Variants in MAST4 observed in about 807,000 individuals in gnomAD.
MAST4 encodes the protein microtubule-associated serine/threonine-protein kinase 4.
MAST4 carries 89 observed loss-of-function variants against 162.7 expected under a neutral mutation model. That is an observed-to-expected ratio of 0.55 (90% CI 0.46 to 0.65). The LOEUF is 0.65. MAST4 is among the 30% of genes least tolerant of loss of function. The probability of loss-of-function intolerance (pLI) is 0.00; values close to 1 mark genes in which losing one functional copy is unlikely to be tolerated. For missense variants in MAST4, 3,153 were observed against 3,374.0 expected (o/e 0.93, Z 1.62); for synonymous variants, 1,479 against 1,361.1 (o/e 1.09, Z -1.91).
intron 12 of MAST4, chr5:67,114,587 A>G (rs959129174): frequency 2.1e-5 from 4 of 193,976 alleles, no homozygotes; most frequent in Admixed American, 1.2e-4. Context: ...GTTGCTAAAG[A>G]AATTATCATT....
rs771317676 is a variant in MAST4, at chr5:66,999,065, C to T, written c.675-55339C>T. Among the ~76,000 whole-genome samples the T allele has an allele frequency of 7.2e-5, 11 of 152,340 alleles. 1 individual carries two copies. The highest frequency in any genetic ancestry group is 6.2e-4 in the South Asian group (3 of 4,826). On this transcript the variant is annotated intron_variant, in intron 4 of 28. Transcript: ENST00000403625. ...GGCTTGGGTGGAGGCCAGTGCTCCA[C>T]GTGGTTTATTGATGGATCTTCCAGA...
At chr5:66,790,694 A>G (rs1300238848) in intron 3 of MAST4, among the ~76,000 whole-genome samples, 1 of 152,040 alleles carries the variant, frequency 6.6e-6, no homozygotes, top group African/African-American at 2.4e-5. Flanking sequence ...ACAGGCACAT[A>G]CTACTGTGCC....
intron 1 of MAST4, among the ~76,000 whole-genome samples, chr5:66,606,783 A>C (rs1462875828): frequency 6.6e-6 from 1 of 152,174 alleles, no homozygotes; most frequent in Non-Finnish European, 1.5e-5. Flanking sequence ...GGGTAAAAAT[A>C]ATACATTACA....
chr5:66,905,978 A>G (rs921480436), intron 4 of MAST4, among the ~76,000 whole-genome samples: 3 of 152,226 alleles, frequency 2.0e-5, no homozygotes, highest in Non-Finnish European at 4.4e-5. Flanking sequence ...GTCCTGGAAA[A>G]GGAAGAGATT....
At chr5:66,825,267 C>G (rs1188613797) in intron 3 of MAST4, among the ~76,000 whole-genome samples, 22 of 28,114 alleles carry the variant, frequency 7.8e-4, no homozygotes, top group Non-Finnish European at 1.3e-3. Flanking sequence ...CTAAGACACA[C>G]ACACACACAC....
At chr5:66,657,416 A>G (rs1746623257) in intron 1 of MAST4, among the ~76,000 whole-genome samples, 1 of 152,236 alleles carries the variant, frequency 6.6e-6, no homozygotes, top group African/African-American at 2.4e-5. Flanking sequence ...TTCTAATTGT[A>G]TCCTCATGGA....
chr5:67,045,996 C>T (rs560475596), intron 4 of MAST4, among the ~76,000 whole-genome samples: 6 of 152,246 alleles, frequency 3.9e-5, no homozygotes, highest in East Asian at 3.9e-4. Flanking sequence ...GCATATTTCA[C>T]GTAACTCAGA....
chr5:66,899,843 C>A, intron 3 of MAST4, 108 bp from the exon 4 acceptor site: 2 of 873,630 alleles, frequency 2.3e-6, no homozygotes, highest in Non-Finnish European at 3.3e-6. Context: ...TAAGAAATGC[C>A]AAATCAAGCG....
At chr5:67,155,885 C>T (rs1041191745) in intron 26 of MAST4, among the ~76,000 whole-genome samples, 66 of 151,964 alleles carry the variant, frequency 4.3e-4, no homozygotes. Context: ...GATGGCGAAA[C>T]CCCATCTCTA....
In MAST4 at chr5:66,788,681, C is replaced by G. The variant is rs753471629; in HGVS notation, c.529C>G (p.Leu177Val). ...TTTAACTCCAACAGGGAGGTACCTT[C>G]TTCCAAACCCGGTGGCGGGACAGGC... ...LGGALTGRYL[L>V]PNPVAGQAWP... The change falls in exon 3 of 29, where the codon CTT (leucine) becomes GTT (valine). Residue 177 changes from leucine to valine, a missense_variant. By Grantham distance (32) the Leu-to-Val change is conservative. Transcript: ENST00000403625. The G allele has an allele frequency of 2.5e-5, 38 of 1,518,196 alleles. No individual in the cohort carries two copies. Among genetic ancestry groups the G allele is most frequent in the Non-Finnish European group, 3.4e-5 (38 of 1,119,414 alleles). 94.0% of individuals were successfully genotyped at this position (1,518,196 alleles called of 1,614,324 possible). A position where few individuals can be genotyped will look rare whatever the true frequency, so the allele number is the denominator to read the frequency against.
chr5:66,712,243 T>C (rs2149525367), intron 1 of MAST4, among the ~76,000 whole-genome samples: 1 of 152,330 alleles, frequency 6.6e-6, no homozygotes, highest in Non-Finnish European at 1.5e-5. Flanking sequence ...TAAATGTAAG[T>C]TTAACCTTAG....
intron 3 of MAST4, among the ~76,000 whole-genome samples, chr5:66,825,261 G>GACAC (rs56076405): frequency 0.037 from 4,995 of 135,516 alleles, 127 homozygotes; most frequent in Non-Finnish European, 0.051. Flanking sequence ...TAAAAACTAA[G>GACAC]ACACACACAC....
intron 25 of MAST4, among the ~76,000 whole-genome samples, chr5:67,153,067 G>GT (rs1269734153): frequency 6.6e-6 from 1 of 152,204 alleles, no homozygotes; most frequent in Non-Finnish European, 1.5e-5. Flanking sequence ...ATTCTGTCCA[G>GT]TTTTCATATT....
rs1764393852 is a variant in MAST4, at chr5:66,919,922, TTCCTTCCTTCCTTCCTTCCTTCCTTCC to T, written c.674+19942_674+19968del. Reference sequence around the variant, plus strand: ...TCTCCTTCCTTCCTTCCTTCCTTCCTTCCTTCCTTCCTTCCTTCCTTCCTTCCTTCCTTCCTTCCTTCCTTCCTTCCT... The same window carrying T: ...TCTCCTTCCTTCCTTCCTTCCTTCCTTTCCTTCCTTCCTTCCTTCCTTCCT... On this transcript the variant is annotated intron_variant, in intron 4 of 28. Transcript: ENST00000403625. Among the ~76,000 whole-genome samples the T allele has an allele frequency of 1.1e-4, 4 of 36,284 alleles. No homozygotes were observed. In the South Asian group the frequency reaches 3.9e-3, roughly 35 times the overall value. The allele number at this position is 36,284 out of a possible 152,430, so 23.8% of individuals were successfully genotyped here.
intron 3 of MAST4, among the ~76,000 whole-genome samples, chr5:66,873,795 C>T (rs539084923): frequency 2.8e-4 from 42 of 152,274 alleles, no homozygotes; most frequent in East Asian, 1.5e-3. Flanking sequence ...CTGAGATTTT[C>T]GACTGCTATT....
intron 1 of MAST4, among the ~76,000 whole-genome samples, chr5:66,615,286 CT>C (rs1474279213): frequency 3.3e-5 from 5 of 152,122 alleles, no homozygotes; most frequent in African/African-American, 1.2e-4. Flanking sequence ...ACAGAGGACA[CT>C]GGCTACTTGG....
In MAST4 at chr5:66,718,252, TG is replaced by T. The variant is rs1343237655; in HGVS notation, c.364-41456del. Among the ~76,000 whole-genome samples, 1,173 of 150,670 alleles carry T rather than the reference TG, an allele frequency of 7.8e-3. 18 individuals carry two copies. Among genetic ancestry groups the T allele is most frequent in the African/African-American group, 0.027 (1,073 of 40,146 alleles). ...AGGGACTCTATTTGAAGGTTTTTTT[TG>T]TTTGTTTTTTTGTTTTTTTGTTTTC... On this transcript the variant is annotated intron_variant, in intron 1 of 28. Coordinates refer to ENST00000403625, the MANE Select transcript of MAST4 (RefSeq NM_001164664.2).
chr5:66,934,578 AT>A (rs66915752), intron 4 of MAST4, among the ~76,000 whole-genome samples: 18,335 of 149,774 alleles, frequency 0.12, 1,893 homozygotes, highest in African/African-American at 0.28. Context: ...ATATCCCTGA[AT>A]TTTTTTTTTT....
intron 14 of MAST4, among the ~76,000 whole-genome samples, chr5:67,124,420 G>GTC (rs754510076): frequency 8.6e-5 from 13 of 150,988 alleles, no homozygotes; most frequent in South Asian, 4.2e-4. Context: ...GTTTCTCTCT[G>GTC]TCTCTCTCTC....
Sources: gnomAD v4.1 joint callset for allele counts (sites outside exome capture counted in the v4.1 genomes callset) on GRCh38, gnomAD v4.1.1 for gene constraint, MANE v1.5 for transcripts, NCBI Gene and HGNC (gene_info 2026-07-23, HGNC 2026-07-21) for gene names.